Variants in PIK3C2G observed in about 807,000 individuals in gnomAD.
The protein encoded by PIK3C2G is phosphatidylinositol 3-kinase C2 domain-containing subunit gamma.
A neutral mutation model predicts 181.1 loss-of-function variants in PIK3C2G; 168 were observed. The ratio of observed to expected loss-of-function variants is 0.93; its 90% confidence interval spans 0.82 to 1.05. PIK3C2G has a LOEUF of 1.05. Among genes scored for constraint, PIK3C2G ranks in the 50% least tolerant of loss-of-function variants. The pLI is 0.00. For synonymous variants in PIK3C2G, 573 were observed against 592.2 expected (o/e 0.97, Z 0.47); for missense variants, 1,869 against 1,732.8 (o/e 1.08, Z -1.40).
At chr12:18,635,432 ATGAG>A (rs1448868888) in intron 31 of PIK3C2G, among the ~76,000 whole-genome samples, 1 of 152,162 alleles carries the variant, frequency 6.6e-6, no homozygotes, top group Non-Finnish European at 1.5e-5. Context: ...TTATGGCTTC[ATGAG>A]TGAGATGCCC....
rs187678494 is a variant in PIK3C2G at position 18,515,993 on chromosome 12, T to A, written c.3323+10532T>A. Among the ~76,000 whole-genome samples the A allele has an allele frequency of 3.9e-5, 6 of 152,206 alleles. No individual in the cohort carries two copies. In the East Asian group the frequency reaches 1.2e-3, roughly 29 times the overall value. On this transcript the variant is annotated intron_variant, in intron 24 of 32. Coordinates refer to ENST00000538779, the MANE Select transcript of PIK3C2G (RefSeq NM_001288772.2). ...AAAATTAGTCTTTATACTAAATATA[T>A]AAATGGCTTGCACATCATAATTATA... is the stretch of plus-strand genomic sequence containing the variant.
intron 29 of PIK3C2G, among the ~76,000 whole-genome samples, chr12:18,581,602 G>A (rs1001510076): frequency 7.9e-5 from 12 of 152,176 alleles, no homozygotes; most frequent in African/African-American, 2.4e-4. Flanking sequence ...TACTGTGATG[G>A]CAAAAACTTG....
chr12:18,418,804 A>G (rs1945317493), intron 16 of PIK3C2G, among the ~76,000 whole-genome samples: 1 of 152,160 alleles, frequency 6.6e-6, no homozygotes, highest in African/African-American at 2.4e-5. Context: ...AATGATGTAT[A>G]TAATATAGAA....
At chr12:18,305,506 T>C (rs1017081104) in intron 5 of PIK3C2G, among the ~76,000 whole-genome samples, 4 of 152,142 alleles carry the variant, frequency 2.6e-5, no homozygotes, top group Non-Finnish European at 5.9e-5. Context: ...AGCTGTCACA[T>C]TATTTTTGTT....
chr12:18,694,469 G>A, the PIK3C2G span, among the ~76,000 whole-genome samples: 2 of 152,090 alleles, frequency 1.3e-5, no homozygotes, highest in South Asian at 4.1e-4. Context: ...ACAGACATAT[G>A]GGGGGAAGAA....
At chr12:18,319,584 A>G (rs74070210) in intron 6 of PIK3C2G, among the ~76,000 whole-genome samples, 2,675 of 152,306 alleles carry the variant, frequency 0.018, 84 homozygotes, top group African/African-American at 0.061. Context: ...TATGACTAAT[A>G]CCGAAAATAT....
At chr12:18,358,384 A>C (rs563682049) in intron 11 of PIK3C2G, 46 of 162,776 alleles carry the variant, frequency 2.8e-4, no homozygotes, top group African/African-American at 1.0e-3. Flanking sequence ...CTAATAATTT[A>C]TGATCATCAC....
intron 31 of PIK3C2G, among the ~76,000 whole-genome samples, chr12:18,617,523 T>C (rs1298470657): frequency 6.6e-6 from 1 of 152,158 alleles, no homozygotes; most frequent in Non-Finnish European, 1.5e-5. Flanking sequence ...TAAATATTTT[T>C]CCAAGATCTC....
intron 25 of PIK3C2G, among the ~76,000 whole-genome samples, chr12:18,545,508 AT>A (rs202080878): frequency 3.7e-3 from 537 of 145,856 alleles, no homozygotes; most frequent in African/African-American, 0.01. Context: ...AACAGTCTTC[AT>A]TTTTTTTTTT....
In PIK3C2G at chr12:18,561,431, A is replaced by G. The variant is rs555873827; in HGVS notation, c.3591-1272A>G. Among the ~76,000 whole-genome samples, 4 of 152,282 alleles carry G rather than the reference A, an allele frequency of 2.6e-5. No homozygotes were observed. The South Asian group carries it at 8.3e-4, about 32-fold the overall frequency. ...GATTCAGAGGCTGTAGTGAGCTACT[A>G]TCTCACCACTGTATTCCAGCCTGGG... On this transcript the variant is annotated intron_variant, in intron 26 of 32. Coordinates refer to ENST00000538779, the MANE Select transcript of PIK3C2G (RefSeq NM_001288772.2).
At chr12:18,354,712 G>T (rs890009239) in intron 11 of PIK3C2G, among the ~76,000 whole-genome samples, 1 of 152,192 alleles carries the variant, frequency 6.6e-6, no homozygotes, top group Admixed American at 6.5e-5. Context: ...GATTTGGAGG[G>T]TCAAAGCAGT....
At chr12:18,559,807 TATATATATATATATAGAGAGAG>T (rs1159586793) in intron 26 of PIK3C2G, among the ~76,000 whole-genome samples, 82 of 41,768 alleles carry the variant, frequency 2.0e-3, no homozygotes, top group Non-Finnish European at 2.8e-3. Flanking sequence ...TATATATATA[TATATATATATATATAGAGAGAG>T]AGAGAGAGAG....
chr12:18,657,211 G>T, the PIK3C2G span, among the ~76,000 whole-genome samples: 4 of 152,148 alleles, frequency 2.6e-5, no homozygotes, highest in Non-Finnish European at 5.9e-5. Flanking sequence ...GAATAATAGA[G>T]TTGGAACAAA....
intron 27 of PIK3C2G, 109 bp from the exon 28 acceptor site, chr12:18,563,268 G>T: frequency 1.0e-6 from 1 of 960,596 alleles, no homozygotes; most frequent in Non-Finnish European, 1.5e-6. Context: ...TTATGATAAT[G>T]TTTTGCAGAA....
chr12:18,395,716 C>A (rs1943845787), intron 15 of PIK3C2G, among the ~76,000 whole-genome samples: 1 of 151,104 alleles, frequency 6.6e-6, no homozygotes, highest in South Asian at 2.1e-4. Context: ...TTTATAATAA[C>A]TTCAATAAGA....
chr12:18,526,796 C>T (rs1242557097), intron 24 of PIK3C2G, among the ~76,000 whole-genome samples: 2 of 152,092 alleles, frequency 1.3e-5, no homozygotes, highest in East Asian at 1.9e-4. Flanking sequence ...TCACACGGAC[C>T]ATTTCAAGAA....
intron 11 of PIK3C2G, among the ~76,000 whole-genome samples, chr12:18,356,760 A>G (rs1303888167): frequency 6.6e-6 from 1 of 151,710 alleles, no homozygotes; most frequent in Non-Finnish European, 1.5e-5. Flanking sequence ...TCCTGCTGTC[A>G]AGCCGCCCCT....
chr12:18,554,734 A>G (rs910229682), intron 26 of PIK3C2G, among the ~76,000 whole-genome samples: 2 of 152,214 alleles, frequency 1.3e-5, no homozygotes, highest in Non-Finnish European at 2.9e-5. Flanking sequence ...CATAAGCTTA[A>G]GTAAAAGAAA....
At chr12:18,459,435 TC>T (rs745316930) in intron 18 of PIK3C2G, among the ~76,000 whole-genome samples, 1 of 152,186 alleles carries the variant, frequency 6.6e-6, no homozygotes, top group Non-Finnish European at 1.5e-5. Flanking sequence ...GTTGTAAACT[TC>T]CCTCACTACA....
Sources: allele counts gnomAD v4.1 joint callset (sites outside exome capture counted in the v4.1 genomes callset), GRCh38; gene constraint gnomAD v4.1.1; transcripts MANE v1.5; gene names NCBI Gene and HGNC (gene_info 2026-07-23, HGNC 2026-07-21).